SLC38A10: variants seen among roughly 807,000 people sequenced by gnomAD.
The protein encoded by SLC38A10 is solute carrier family 38 member 10.
In SLC38A10, 53 loss-of-function variants were observed where a neutral mutation model predicts 81.0. The ratio of observed to expected loss-of-function variants is 0.65; its 90% CI spans 0.53 to 0.82. The LOEUF is 0.82. Ranked by LOEUF, SLC38A10 falls within the 40% of genes least tolerant of loss-of-function variation. The pLI is 0.00. For missense variants in SLC38A10, 1,471 were observed against 1,545.0 expected, an observed-to-expected ratio of 0.95 and a Z score of 0.80; for synonymous variants, 665 against 655.3, an observed-to-expected ratio of 1.01 and a Z score of -0.23.
chr17:81,253,853 C>T lies in SLC38A10; in HGVS notation c.1289-613G>A, dbSNP rs2062946823. ...ATCACCGCTATCATCACCACCATCT[C>T]CATCCCTACCACCATCACCATCATC... On this transcript the variant is annotated intron_variant, in intron 11 of 15. Coordinates refer to ENST00000374759, the MANE Select transcript of SLC38A10 (RefSeq NM_001037984.3). This position sits in a 1 kb window ranked among gnomAD's most constrained non-coding sequence, Gnocchi z 4.1. Among the ~76,000 whole-genome samples, 1 of 151,844 alleles carries T rather than the reference C, an allele frequency of 6.6e-6. No individual in the cohort carries two copies. The highest frequency in any genetic ancestry group is 1.5e-5 in the Non-Finnish European group (1 of 67,988).
chr17:81,294,366 GTA>G (rs779387398), intron 1 of SLC38A10, among the ~76,000 whole-genome samples: 1 of 152,160 alleles, frequency 6.6e-6, no homozygotes, highest in African/African-American at 2.4e-5. Flanking sequence ...GATCTTAGGT[GTA>G]TAACCTGGTG....
chr17:81,287,047 G>A (rs978646469), intron 2 of SLC38A10, among the ~76,000 whole-genome samples: 2 of 152,212 alleles, frequency 1.3e-5, no homozygotes, highest in Non-Finnish European at 2.9e-5. Flanking sequence ...AGCAAGACAC[G>A]CAGGGCAAGG....
Position 81,289,571 on chromosome 17 carries a change from A to G in SLC38A10, c.217+120T>C, listed in dbSNP as rs564709544. On this transcript the variant is annotated intron_variant, in intron 2 of 15. Coordinates refer to ENST00000374759, the MANE Select transcript of SLC38A10 (RefSeq NM_001037984.3). The surrounding 1 kb of genome is among the most constrained non-coding windows in gnomAD (Gnocchi z 5.9). Reference sequence around the variant, plus strand: ...TTTTGCAGCATTACATTTTAAAATAAAAAAAACCCTGCTATCCAAGGAATT... The same window carrying G: ...TTTTGCAGCATTACATTTTAAAATAGAAAAAACCCTGCTATCCAAGGAATT... 4 of 726,592 alleles carry G rather than the reference A, an allele frequency of 5.5e-6. No individual in the cohort carries two copies. The East Asian group carries it at 1.3e-4, about 23-fold the overall frequency. The allele number at this position is 726,592 out of a possible 1,614,324, so 45.0% of individuals were successfully genotyped here.
chr17:81,249,635 T>G (rs916220517), intron 14 of SLC38A10, among the ~76,000 whole-genome samples: 7 of 151,730 alleles, frequency 4.6e-5, no homozygotes, highest in Non-Finnish European at 1.0e-4. Flanking sequence ...GGAGACAGGC[T>G]GTTCCTACAG....
intron 11 of SLC38A10, among the ~76,000 whole-genome samples, chr17:81,257,084 C>T (rs1160317052): frequency 1.3e-5 from 2 of 152,156 alleles, no homozygotes; most frequent in Non-Finnish European, 2.9e-5. Flanking sequence ...GTGGGGACAA[C>T]GCCACCCTGC....
rs374449738 is a variant in SLC38A10, at chr17:81,282,172, G to C, written c.501+17C>G. ...GAGCAGCCTTTCAGCGGGTACCCACGCGCGCTGCCGACTCACCACGAACAT... is the reference window on the plus strand; with the variant it reads ...GAGCAGCCTTTCAGCGGGTACCCACCCGCGCTGCCGACTCACCACGAACAT... On this transcript the variant is annotated intron_variant, in intron 5 of 15. Transcript: ENST00000374759. The C allele has an allele frequency of 2.5e-6, 4 of 1,612,072 alleles. No homozygotes were observed. The highest frequency in any genetic ancestry group is 3.4e-6 in the Non-Finnish European group (4 of 1,178,934).
At chr17:81,255,536 G>A (rs1461493891) in intron 11 of SLC38A10, among the ~76,000 whole-genome samples, 1 of 152,210 alleles carries the variant, frequency 6.6e-6, no homozygotes. Context: ...CGGGAGGGAG[G>A]AGATCTCTGG....
Position 81,289,788 on chromosome 17 carries a change from C to T in SLC38A10, c.120G>A (p.Ala40=), listed in dbSNP as rs751852614. 1.3e-5 allele frequency: 21 copies of T among 1,604,636 alleles called. No individual in the cohort carries two copies. The highest frequency in any genetic ancestry group is 7.8e-5 in the South Asian group (7 of 89,510). ...CFKQCGIVLG[A]LLLVFCSWMT... ...TCCATGAGCAGAAGACCAAGAGCAG[C>T]GCCCCCAGGACGATGCCGCACTGCA... is the stretch of plus-strand genomic sequence containing the variant. Residue 40 remains alanine, a synonymous_variant, in exon 2 of 16, where the codon GCG becomes GCA. Coordinates refer to ENST00000374759, the MANE Select transcript of SLC38A10 (RefSeq NM_001037984.3). This position sits in a 1 kb window ranked among gnomAD's most constrained non-coding sequence, Gnocchi z 5.9.
chr17:81,253,365 T>G lies in SLC38A10; in HGVS notation c.1289-125A>C. The stretch of plus-strand genomic sequence containing the variant: ...AGTCAAAGCAGTTTCTTTTTCCTGT[T>G]CGATCATTAGCAGCTAAGTAGCACA... On this transcript the variant is annotated intron_variant, in intron 11 of 15. Coordinates refer to ENST00000374759, the MANE Select transcript of SLC38A10 (RefSeq NM_001037984.3). The surrounding 1 kb of genome is among the most constrained non-coding windows in gnomAD (Gnocchi z 4.1). 8.4e-7 allele frequency: 1 copy of G among 1,186,156 alleles called. No homozygotes were observed. Among genetic ancestry groups the G allele is most frequent in the Non-Finnish European group, 1.2e-6 (1 of 863,152 alleles). The allele number at this position is 1,186,156 out of a possible 1,614,324, so 73.5% of individuals were successfully genotyped here. A position where few individuals can be genotyped will look rare whatever the true frequency, so the allele number is the denominator to read the frequency against.
chr17:81,274,488 G>A (rs1219671344), intron 8 of SLC38A10, among the ~76,000 whole-genome samples: 10 of 152,244 alleles, frequency 6.6e-5, no homozygotes, highest in African/African-American at 2.2e-4. Context: ...CAAGAGGAAC[G>A]TGTGCCTCTA....
In SLC38A10 at chr17:81,253,761, C is replaced by T. The variant is rs1598382312; in HGVS notation, c.1289-521G>A. Among the ~76,000 whole-genome samples the T allele has an allele frequency of 2.1e-5, 2 of 94,740 alleles. No homozygotes were observed. Among genetic ancestry groups the T allele is most frequent in the South Asian group, 2.5e-4 (1 of 4,026 alleles). The allele number at this position is 94,740 out of a possible 152,430, so 62.2% of individuals were successfully genotyped here. A position where few individuals can be genotyped will look rare whatever the true frequency, so the allele number is the denominator to read the frequency against. On this transcript the variant is annotated intron_variant, in intron 11 of 15. Coordinates refer to ENST00000374759, the MANE Select transcript of SLC38A10 (RefSeq NM_001037984.3). The surrounding 1 kb of genome is among the most constrained non-coding windows in gnomAD (Gnocchi z 4.1). The stretch of plus-strand genomic sequence containing the variant: ...CTACCACCATCACCATCATCATCAC[C>T]GTCACCATCATCACCATCTCCATCC...
intron 2 of SLC38A10, chr17:81,285,145 T>C (rs1231817159): frequency 2.4e-6 from 1 of 408,864 alleles, no homozygotes; most frequent in East Asian, 3.9e-5. Flanking sequence ...CTCAATCAGA[T>C]TTTTTAACAG....
At chr17:81,292,080 TA>T (rs1318323259) in intron 1 of SLC38A10, among the ~76,000 whole-genome samples, 1 of 152,030 alleles carries the variant, frequency 6.6e-6, no homozygotes. Flanking sequence ...ATTATATATA[TA>T]ATCTATATAG....
rs778072047 is a variant in SLC38A10 at position 81,245,626 on chromosome 17, G to A, written c.3290C>T (p.Ala1097Val). 9.9e-6 allele frequency: 16 copies of A among 1,612,104 alleles called. No homozygotes were observed. Among genetic ancestry groups the A allele is most frequent in the Admixed American group, 6.7e-5 (4 of 59,946 alleles). The stretch of plus-strand genomic sequence containing the variant: ...GTGGACCACCTGCAGAGCTCCCCCC[G>A]CAGCCTGGCGGAGCTGGGCATCCAG... Reference protein sequence around the residue: ...GALDAQLRQAAGGALQVVHSR... With the variant: ...GALDAQLRQAVGGALQVVHSR... The change falls in exon 16 of 16, where the codon GCG (alanine) becomes GTG (valine). Residue 1097 changes from alanine (A) to valine (V), a missense_variant. Around this residue, in one of 2 missense-constraint regions of SLC38A10, gnomAD observed 751 missense variants for 717.4 expected, o/e 1.05. Coordinates refer to ENST00000374759, the MANE Select transcript of SLC38A10 (RefSeq NM_001037984.3).
chr17:81,287,503 C>T (rs546965658), intron 2 of SLC38A10, among the ~76,000 whole-genome samples: 90 of 152,378 alleles, frequency 5.9e-4, no homozygotes, highest in Admixed American at 9.1e-4. Context: ...CACACTGCAG[C>T]TGACGCGGAG....
chr17:81,256,305 G>A (rs542634668), intron 11 of SLC38A10, among the ~76,000 whole-genome samples: 3 of 152,366 alleles, frequency 2.0e-5, no homozygotes, highest in South Asian at 4.1e-4. Context: ...TGGTGACCTG[G>A]AGGGGAAGGG....
intron 5 of SLC38A10, 128 bp from the exon 6 acceptor site, chr17:81,280,861 C>A: frequency 1.5e-6 from 2 of 1,356,534 alleles, no homozygotes; most frequent in East Asian, 2.6e-5. Flanking sequence ...TCCCAGCCCC[C>A]CACCACCCTG....
At chr17:81,282,539 C>T (rs2063224213) in intron 4 of SLC38A10, among the ~76,000 whole-genome samples, 1 of 152,212 alleles carries the variant, frequency 6.6e-6, no homozygotes, top group South Asian at 2.1e-4. Flanking sequence ...TGGGTATTTC[C>T]CCTCCCTGGA....
chr17:81,277,911 A>G lies in SLC38A10; in HGVS notation c.627-778T>C, dbSNP rs968833686. On this transcript the variant is annotated intron_variant, in intron 6 of 15. Coordinates refer to ENST00000374759, the MANE Select transcript of SLC38A10 (RefSeq NM_001037984.3). The surrounding 1 kb of genome is among the most constrained non-coding windows in gnomAD (Gnocchi z 4.5). ...GAGCACAGGTGAGAGCTGCTCTGCC[A>G]TGGGGCTGAACGAGGACTCTGGAGT... 7.3e-5 allele frequency among the ~76,000 whole-genome samples: 11 copies of G among 151,702 alleles called. No homozygotes were observed. Among genetic ancestry groups the G allele is most frequent in the Admixed American group, 6.5e-4 (10 of 15,270 alleles).
Sources: gnomAD v4.1 joint callset for allele counts (sites outside exome capture counted in the v4.1 genomes callset) on GRCh38, gnomAD v4.1.1 for gene constraint, gnomAD v4.1.1 regional missense constraint, Gnocchi (gnomAD v3.1) non-coding constraint, MANE v1.5 for transcripts, NCBI Gene and HGNC (gene_info 2026-07-23, HGNC 2026-07-21) for gene names.